Variants in AFG1L observed in about 807,000 individuals in gnomAD.
The protein encoded by AFG1L is AFG1 like ATPase, also known as AFG1-like ATPase.
A neutral mutation model predicts 62.2 loss-of-function variants in AFG1L; 53 were observed. The observed-to-expected ratio is 0.85, with a 90% CI of 0.68 to 1.07. The LOEUF (loss-of-function observed/expected upper bound fraction) is 1.07. AFG1L is among the 50% of genes least tolerant of loss of function. The pLI is 0.00. For synonymous variants in AFG1L, 228 were observed against 210.3 expected (o/e 1.08, Z -0.73); for missense variants, 555 against 590.5 (o/e 0.94, Z 0.62).
intron 10 of AFG1L, among the ~76,000 whole-genome samples, chr6:108,508,538 G>A (rs1031067289): frequency 3.9e-5 from 6 of 152,168 alleles, no homozygotes; most frequent in African/African-American, 1.4e-4. Flanking sequence ...CAAAGGACTC[G>A]GGTCATTCTT....
chr6:108,519,748 C>G lies in AFG1L; in HGVS notation c.1255C>G (p.Gln419Glu). The change falls in exon 12 of 13, where the codon CAA (glutamine) becomes GAA (glutamate). Residue 419 changes from glutamine to glutamate, a missense_variant. Transcript: ENST00000368977. ...TCCTATATCAAGCTTATTTTTGCATCAACATCATGACAGTGAGTTGGAGCA... is the reference window on the plus strand; with the variant it reads ...TCCTATATCAAGCTTATTTTTGCATGAACATCATGACAGTGAGTTGGAGCA... Reference protein sequence around the residue: ...STPISSLFLHQHHDSELEQSR... With the variant: ...STPISSLFLHEHHDSELEQSR... 6.2e-7 allele frequency: 1 copy of G among 1,613,358 alleles called. No homozygotes were observed. Among genetic ancestry groups the G allele is most frequent in the Non-Finnish European group, 8.5e-7 (1 of 1,179,648 alleles).
At chr6:108,352,625 C>A (rs558431008) in intron 3 of AFG1L, among the ~76,000 whole-genome samples, 120 of 152,220 alleles carry the variant, frequency 7.9e-4, no homozygotes, top group African/African-American at 2.9e-3. Context: ...AGTGTAGTGG[C>A]GTGATCTCAG....
In AFG1L at chr6:108,453,618, A is replaced by T. The variant is rs146636158; in HGVS notation, c.890+6322A>T. Among the ~76,000 whole-genome samples, 669 of 152,316 alleles carry T rather than the reference A, an allele frequency of 4.4e-3. 2 individuals are homozygous for T. The highest frequency in any genetic ancestry group is 6.3e-3 in the Non-Finnish European group (430 of 68,024). On this transcript the variant is annotated intron_variant, in intron 8 of 12. Coordinates refer to ENST00000368977, the MANE Select transcript of AFG1L (RefSeq NM_145315.5). ...AAAAACTTCATGTTTCTTGCCTGTGATATTACTTACAAACACTCCTCTGCT... is the reference window on the plus strand; with the variant it reads ...AAAAACTTCATGTTTCTTGCCTGTGTTATTACTTACAAACACTCCTCTGCT...
At chr6:108,462,193 G>A (rs1772487912) in intron 8 of AFG1L, among the ~76,000 whole-genome samples, 1 of 152,124 alleles carries the variant, frequency 6.6e-6, no homozygotes, top group Non-Finnish European at 1.5e-5. Context: ...CTTGAGCCCA[G>A]GAATTTGAGA....
At chr6:108,325,350 C>A (rs1441730947) in intron 2 of AFG1L, among the ~76,000 whole-genome samples, 1 of 151,910 alleles carries the variant, frequency 6.6e-6, no homozygotes, top group Non-Finnish European at 1.5e-5. Context: ...TACGAGATAT[C>A]TGAAGGGCAC....
chr6:108,496,881 T>G (rs1386714228), intron 10 of AFG1L, among the ~76,000 whole-genome samples: 1 of 152,250 alleles, frequency 6.6e-6, no homozygotes, highest in Non-Finnish European at 1.5e-5. Flanking sequence ...TTATGCTTTT[T>G]CACTTAGTTT....
chr6:108,427,831 A>G (rs995594280), intron 7 of AFG1L, among the ~76,000 whole-genome samples: 1 of 152,076 alleles, frequency 6.6e-6, no homozygotes, highest in Non-Finnish European at 1.5e-5. Context: ...TCAAAATGGA[A>G]TTTCTAGGTC....
chr6:108,510,302 A>G lies in AFG1L; in HGVS notation c.1153A>G (p.Thr385Ala), dbSNP rs1287982687. ...TCCGCAATTTACTCTGGCAAACAGG[A>G]CTCAAGGTCGAAGATTCATAACTCT... ...NIPQFTLANR[T>A]QGRRFITLID... Residue 385 changes from threonine (T) to alanine (A), a missense_variant, in exon 11 of 13, where the codon ACT becomes GCT. Thr to Ala is a moderately conservative substitution (Grantham distance 58, BLOSUM62 0). Coordinates refer to ENST00000368977, the MANE Select transcript of AFG1L (RefSeq NM_145315.5). The G allele has an allele frequency of 6.2e-7, 1 of 1,612,506 alleles. No individual in the cohort carries two copies. Among genetic ancestry groups the G allele is most frequent in the Non-Finnish European group, 8.5e-7 (1 of 1,179,100 alleles).
At chr6:108,494,395 T>A (rs1176508609) in intron 10 of AFG1L, among the ~76,000 whole-genome samples, 2 of 151,884 alleles carry the variant, frequency 1.3e-5, no homozygotes, top group Non-Finnish European at 2.9e-5. Flanking sequence ...TCACATTGAT[T>A]TTTTTGTTAA....
rs117463642 is a variant in AFG1L, at chr6:108,307,555, C to T, written c.139+12337C>T. Among the ~76,000 whole-genome samples, 414 of 151,998 alleles carry T rather than the reference C, an allele frequency of 2.7e-3. 4 individuals are homozygous for T. The East Asian group carries it at 0.036, about 13-fold the overall frequency. On this transcript the variant is annotated intron_variant, in intron 1 of 12. Coordinates refer to ENST00000368977, the MANE Select transcript of AFG1L (RefSeq NM_145315.5). ...TCTCCTGAGTAACTGAGACTACAGGCGAGCACCACCACGCCTGGCTAATTT... is the reference window on the plus strand; with the variant it reads ...TCTCCTGAGTAACTGAGACTACAGGTGAGCACCACCACGCCTGGCTAATTT...
chr6:108,478,394 T>A (rs1393415095), intron 10 of AFG1L, among the ~76,000 whole-genome samples: 4 of 152,296 alleles, frequency 2.6e-5, no homozygotes, highest in African/African-American at 9.6e-5. Context: ...CCGAGGTCGC[T>A]CCACTGCATT....
At chr6:108,312,330 G>A (rs889886297) in intron 1 of AFG1L, among the ~76,000 whole-genome samples, 2 of 152,102 alleles carry the variant, frequency 1.3e-5, no homozygotes, top group African/African-American at 4.8e-5. Flanking sequence ...CTTGAGGCTA[G>A]AAGTTCAAGA....
intron 5 of AFG1L, among the ~76,000 whole-genome samples, chr6:108,363,972 AT>A (rs1051863140): frequency 6.6e-6 from 1 of 152,016 alleles, no homozygotes; most frequent in South Asian, 2.1e-4. Context: ...TAACCATTAG[AT>A]TTTTTTTCTT....
chr6:108,381,207 A>C (rs1298739827), intron 6 of AFG1L, among the ~76,000 whole-genome samples: 1 of 152,246 alleles, frequency 6.6e-6, no homozygotes, highest in Non-Finnish European at 1.5e-5. Context: ...AAATTATTTG[A>C]AAAGTTTCAG....
Position 108,356,592 on chromosome 6 carries a change from G to A in AFG1L, c.518-98G>A, listed in dbSNP as rs1039211130. ...ACATGGAGTTTAAACTTAATTTTAT[G>A]TCCATACTAAAGTTTCATTTAGAGA... On this transcript the variant is annotated intron_variant, in intron 4 of 12. Transcript: ENST00000368977. 70 of 739,444 alleles carry A rather than the reference G, an allele frequency of 9.5e-5. 1 individual carries two copies. Among genetic ancestry groups the A allele is most frequent in the Non-Finnish European group, 1.1e-4 (56 of 496,574 alleles). The allele number at this position is 739,444 out of a possible 1,614,324, so 45.8% of individuals were successfully genotyped here. A position where few individuals can be genotyped will look rare whatever the true frequency, so the allele number is the denominator to read the frequency against.
chr6:108,433,375 G>C (rs1771163753), intron 7 of AFG1L, among the ~76,000 whole-genome samples: 1 of 151,560 alleles, frequency 6.6e-6, no homozygotes, highest in Non-Finnish European at 1.5e-5. Context: ...CGCCTCCCGG[G>C]TTCAGCCAAT....
intron 11 of AFG1L, among the ~76,000 whole-genome samples, chr6:108,516,537 C>G (rs866317600): frequency 1.3e-5 from 2 of 152,262 alleles, no homozygotes; most frequent in South Asian, 4.1e-4. Context: ...AAACCCACAG[C>G]CAATATCATA....
intron 8 of AFG1L, among the ~76,000 whole-genome samples, chr6:108,452,189 A>G (rs1375242069): frequency 6.6e-6 from 1 of 152,184 alleles, no homozygotes; most frequent in Admixed American, 6.5e-5. Context: ...TCATGCTTAC[A>G]GAGAATTTAA....
chr6:108,366,322 G>C lies in AFG1L; in HGVS notation c.738G>C (p.Arg246Ser), dbSNP rs760198092. The C allele has an allele frequency of 8.1e-6, 13 of 1,609,368 alleles. No individual in the cohort carries two copies. In the East Asian group the frequency reaches 2.7e-4, roughly 33 times the overall value. ...NGVVVVATSN[R>S]PPEDLYKNGL... ...TCGTCGTTGTGGCAACATCCAACAG[G>C]CCACCGGAAGGTAAAAACAAACATT... The change falls in exon 6 of 13, where the codon AGG becomes AGC. Residue 246 changes from arginine to serine, a missense_variant. Transcript: ENST00000368977.
Sources: allele counts gnomAD v4.1 joint callset (sites outside exome capture counted in the v4.1 genomes callset), GRCh38; gene constraint gnomAD v4.1.1; transcripts MANE v1.5; gene names NCBI Gene and HGNC (gene_info 2026-07-23, HGNC 2026-07-21).